The following GALNTL6 variants were observed in gnomAD, a reference collection of about 807,000 sequenced individuals.
GALNTL6 encodes polypeptide N-acetylgalactosaminyltransferase-like 6.
Under a neutral mutation model 73.7 loss-of-function variants are expected in GALNTL6, and 46 were observed. The ratio of observed to expected loss-of-function variants is 0.62; its 90% CI spans 0.49 to 0.80. The LOEUF (loss-of-function observed/expected upper bound fraction) is 0.80, where lower values mean the gene tolerates loss of function less well. GALNTL6 is among the 30% of genes least tolerant of loss of function. The pLI is 0.00. For synonymous variants in GALNTL6, 259 were observed against 263.7 expected (o/e 0.98, Z 0.17); for missense variants, 604 against 755.0 (o/e 0.80, Z 2.34).
intron 2 of GALNTL6, among the ~76,000 whole-genome samples, chr4:171,959,187 T>C (rs977800230): frequency 1.3e-5 from 2 of 152,190 alleles, no homozygotes; most frequent in Non-Finnish European, 2.9e-5. Flanking sequence ...TTACAAAATA[T>C]GTAATTCTAA....
At chr4:172,985,058 C>T (rs569981761) in intron 10 of GALNTL6, among the ~76,000 whole-genome samples, 2 of 152,186 alleles carry the variant, frequency 1.3e-5, no homozygotes, top group South Asian at 2.1e-4. Flanking sequence ...ATAAACCAGG[C>T]AAGTATTACA....
chr4:172,852,474 A>T (rs1469846750), intron 7 of GALNTL6, among the ~76,000 whole-genome samples: 2 of 152,300 alleles, frequency 1.3e-5, no homozygotes, highest in East Asian at 3.9e-4. Context: ...GTGCTAGGAT[A>T]GAGAGTTTCT....
intron 5 of GALNTL6, among the ~76,000 whole-genome samples, chr4:172,533,278 G>A (rs778634351): frequency 1.4e-5 from 2 of 145,498 alleles, no homozygotes; most frequent in Admixed American, 1.4e-4. Flanking sequence ...ATCCCAAAGT[G>A]CTGAGATTAC....
intron 5 of GALNTL6, among the ~76,000 whole-genome samples, chr4:172,358,254 C>A (rs184444829): frequency 2.6e-5 from 4 of 152,256 alleles, no homozygotes; most frequent in Middle Eastern, 3.4e-3. Flanking sequence ...TTACAGAAAC[C>A]AGGTATGATT....
intron 3 of GALNTL6, among the ~76,000 whole-genome samples, chr4:172,295,926 T>G (rs1739656404): frequency 6.6e-6 from 1 of 152,168 alleles, no homozygotes; most frequent in Non-Finnish European, 1.5e-5. Flanking sequence ...TTATTTTTTC[T>G]TTACTATATA....
rs559659984 is a variant in GALNTL6, at chr4:172,163,188, A to G, written c.139-66468A>G. On this transcript the variant is annotated intron_variant, in intron 2 of 12. Coordinates refer to ENST00000506823, the MANE Select transcript of GALNTL6 (RefSeq NM_001034845.3). ...TTCAAATGCATTTATAATTTTATAT[A>G]ATTATAAGAAATGTTTCTCAAAATT... Among the ~76,000 whole-genome samples the G allele has an allele frequency of 5.4e-4, 82 of 152,178 alleles. 1 individual carries two copies. The Middle Eastern group carries it at 0.014, about 25-fold the overall frequency.
chr4:173,039,591 A>G (rs1284148466), intron 12 of GALNTL6, among the ~76,000 whole-genome samples: 1 of 152,190 alleles, frequency 6.6e-6, no homozygotes, highest in Non-Finnish European at 1.5e-5. Flanking sequence ...GCAACCCCAT[A>G]TACTTACTAT....
intron 3 of GALNTL6, among the ~76,000 whole-genome samples, chr4:172,235,533 T>G (rs1228897059): frequency 6.6e-6 from 1 of 152,226 alleles, no homozygotes; most frequent in African/African-American, 2.4e-5. Flanking sequence ...TATGAGTTAT[T>G]TCAAAAGCCA....
At chr4:172,314,553 A>G (rs1740474786) in intron 4 of GALNTL6, among the ~76,000 whole-genome samples, 2 of 151,208 alleles carry the variant, frequency 1.3e-5, no homozygotes, top group African/African-American at 4.9e-5. Flanking sequence ...CTAGTACACA[A>G]TGAAGAATAT....
At chr4:172,213,466 G>C (rs1736396296) in intron 2 of GALNTL6, among the ~76,000 whole-genome samples, 1 of 152,132 alleles carries the variant, frequency 6.6e-6, no homozygotes, top group Admixed American at 6.5e-5. Context: ...CCTAATAGAT[G>C]TGTACTAGTT....
chr4:172,003,861 T>C (rs755411174), intron 2 of GALNTL6, among the ~76,000 whole-genome samples: 1 of 152,108 alleles, frequency 6.6e-6, no homozygotes, highest in Non-Finnish European at 1.5e-5. Flanking sequence ...GAAGTACCTG[T>C]ATCAAAAGAA....
intron 3 of GALNTL6, among the ~76,000 whole-genome samples, chr4:172,257,407 A>C (rs1738116608): frequency 1.3e-5 from 2 of 151,448 alleles, no homozygotes; most frequent in South Asian, 4.1e-4. Context: ...TGAAGAAGGA[A>C]GCATGAGCTG....
chr4:172,217,476 T>G (rs188091940), intron 2 of GALNTL6, among the ~76,000 whole-genome samples: 245 of 152,328 alleles, frequency 1.6e-3, no homozygotes, highest in African/African-American at 5.3e-3. Context: ...TATTTTAATT[T>G]TAGCTTAAGG....
At chr4:172,741,763 T>C (rs1310571861) in intron 5 of GALNTL6, among the ~76,000 whole-genome samples, 6 of 152,104 alleles carry the variant, frequency 3.9e-5, no homozygotes, top group East Asian at 1.9e-4. Flanking sequence ...TTTAAACTTA[T>C]AGATAACAAG....
intron 2 of GALNTL6, among the ~76,000 whole-genome samples, chr4:172,223,652 A>T (rs528366085): frequency 7.0e-4 from 106 of 152,206 alleles, no homozygotes; most frequent in African/African-American, 1.8e-3. Flanking sequence ...AATCAGAAAA[A>T]GTCTCCACAT....
intron 5 of GALNTL6, among the ~76,000 whole-genome samples, chr4:172,805,480 GTA>G (rs1740901500): frequency 6.6e-6 from 1 of 152,080 alleles, no homozygotes; most frequent in Non-Finnish European, 1.5e-5. Flanking sequence ...TTTTGAAGTT[GTA>G]TTCATTTTTC....
In GALNTL6 at chr4:172,060,814, T is replaced by G. The variant is rs146112624; in HGVS notation, c.139-168842T>G. Among the ~76,000 whole-genome samples, 742 of 152,304 alleles carry G rather than the reference T, an allele frequency of 4.9e-3. 4 individuals are homozygous for G. Among genetic ancestry groups the G allele is most frequent in the Non-Finnish European group, 8.0e-3 (543 of 68,020 alleles). On this transcript the variant is annotated intron_variant, in intron 2 of 12. Transcript: ENST00000506823. ...AATAACATTTTTCTGCGTGGATGAA[T>G]GGCTAATACGTACAATGGAACTGAC...
intron 5 of GALNTL6, among the ~76,000 whole-genome samples, chr4:172,475,416 A>G (rs1385684173): frequency 6.6e-6 from 1 of 152,062 alleles, no homozygotes; most frequent in African/African-American, 2.4e-5. Flanking sequence ...AGAACAATTC[A>G]GTCATGGACA....
chr4:172,172,424 A>G (rs1405161116), intron 2 of GALNTL6, among the ~76,000 whole-genome samples: 1 of 152,060 alleles, frequency 6.6e-6, no homozygotes, highest in Non-Finnish European at 1.5e-5. Flanking sequence ...CTCGAACTCC[A>G]GACCTCAGGT....
Sources: allele counts gnomAD v4.1 joint callset (sites outside exome capture counted in the v4.1 genomes callset), GRCh38; gene constraint gnomAD v4.1.1; transcripts MANE v1.5; gene names NCBI Gene and HGNC (gene_info 2026-07-23, HGNC 2026-07-21).